Variants in NIN observed in about 807,000 individuals in gnomAD.
NIN encodes ninein.
NIN carries 137 observed loss-of-function variants against 257.6 expected under a neutral mutation model. That is an observed-to-expected ratio of 0.53 (90% CI 0.46 to 0.61). The LOEUF is 0.61. Among genes scored for constraint, NIN ranks in the 20% least tolerant of loss-of-function variants. The probability of loss-of-function intolerance (pLI) is 0.00; values close to 1 mark genes in which losing one functional copy is unlikely to be tolerated. For missense variants in NIN, 2,439 were observed against 2,501.2 expected, an observed-to-expected ratio of 0.98 and a Z score of 0.53; for synonymous variants, 918 against 919.8, an observed-to-expected ratio of 1.00 and a Z score of 0.04.
rs916052391 is a variant in NIN, at chr14:50,766,331, T to G, written c.1611A>C (p.Arg537Ser). ...CCCTGCACTGCCGCTCATATTCATT[T>G]CTCATCTGTGTCAGTCTCTCTTCTT... ...FLQEERLTQMRNEYERQCRVL... is the reference protein window; with the variant it reads ...FLQEERLTQMSNEYERQCRVL... The change falls in exon 14 of 31, where the codon AGA becomes AGC. Residue 537 changes from arginine (R) to serine (S), a missense_variant. Arg to Ser is a moderately radical substitution (Grantham distance 110). Around this residue, in one of 3 missense-constraint regions of NIN, gnomAD observed 2,043 missense variants for 2,050.2 expected, o/e 1.00. Transcript: ENST00000530997. 1 of 1,614,056 alleles carries G rather than the reference T, an allele frequency of 6.2e-7. No homozygotes were observed. The highest frequency in any genetic ancestry group is 1.3e-5 in the African/African-American group (1 of 75,020).
intron 4 of NIN, chr14:50,794,492 C>T (rs1220609277): frequency 1.1e-5 from 11 of 999,066 alleles, no homozygotes; most frequent in African/African-American, 3.5e-5. Flanking sequence ...CCCAGACACC[C>T]GAGCTACTTG....
Position 50,783,263 on chromosome 14 carries a change from C to T in NIN, c.436-4459G>A, listed in dbSNP as rs564697478. On this transcript the variant is annotated intron_variant, in intron 5 of 30. Coordinates refer to ENST00000530997, the MANE Select transcript of NIN (RefSeq NM_020921.4). ...TAGAGATGGGGTTTTGCCATGTTGCCCAGGCTGGTCTCAAATTCCTGGGCT... is the reference window on the plus strand; with the variant it reads ...TAGAGATGGGGTTTTGCCATGTTGCTCAGGCTGGTCTCAAATTCCTGGGCT... Among the ~76,000 whole-genome samples the T allele has an allele frequency of 7.8e-4, 119 of 151,816 alleles. 1 individual carries two copies. Among genetic ancestry groups the T allele is most frequent in the Non-Finnish European group, 1.5e-3 (103 of 67,910 alleles).
Position 50,776,969 on chromosome 14 carries a change from A to C in NIN, c.646T>G (p.Leu216Val). 1 of 1,613,580 alleles carries C rather than the reference A, an allele frequency of 6.2e-7. No homozygotes were observed. The highest frequency in any genetic ancestry group is 8.5e-7 in the Non-Finnish European group (1 of 1,179,734). Residue 216 changes from leucine to valine, a missense_variant, in exon 7 of 31, where the codon TTA (leucine) becomes GTA (valine). Leu to Val is a conservative substitution (Grantham distance 32, BLOSUM62 1). This residue lies in a region of NIN where 387 missense variants were observed against 427.3 expected (regional missense o/e 0.91). Transcript: ENST00000530997. ...CTTACCTCTCCATCCACATTCTGTA[A>C]ACCATACTGCTCACAGATGGAGACC... ...KLVSICEQYG[L>V]QNVDGEMLEE...
In NIN at chr14:50,752,567, T is replaced by A. The variant is rs755599819; in HGVS notation, c.4901A>T (p.Glu1634Val). The change falls in exon 21 of 31, where the codon GAA (glutamate) becomes GTA (valine). Residue 1634 changes from glutamate (E) to valine (V), a missense_variant. By Grantham distance (121) the Glu-to-Val change is moderately radical (BLOSUM62 -2). Transcript: ENST00000530997. ...EPGNSALEER[E>V]QEKFNLKEEL... ...TTCTTTCAGATTAAACTTCTCTTGT[T>A]CCCGTTCCTCCAATGCACTGTTTCC... The A allele has an allele frequency of 1.9e-6, 3 of 1,614,156 alleles. No homozygotes were observed. The highest frequency in any genetic ancestry group is 2.5e-6 in the Non-Finnish European group (3 of 1,179,992).
At position 50,822,190 on chromosome 14, in the gene NIN, G is replaced by C. The variant is rs891255621; in HGVS notation, c.-21-113C>G. The C allele has an allele frequency of 2.7e-5, 20 of 749,566 alleles. No homozygotes were observed. The Admixed American group carries it at 4.7e-4, about 18-fold the overall frequency. 46.4% of individuals were successfully genotyped at this position (749,566 alleles called of 1,614,324 possible). ...CCCCACCAGTCTCTAGGGAATGCTC[G>C]GGAACACCCAGTTTCTGATGCACCC... On this transcript the variant is annotated intron_variant, in intron 2 of 30. Transcript: ENST00000530997.
At chr14:50,792,957 C>T in intron 4 of NIN, 76 bp from the exon 5 acceptor site, 1 of 1,478,502 alleles carries the variant, frequency 6.8e-7, no homozygotes, top group Non-Finnish European at 9.4e-7. Context: ...AGCCATCGGA[C>T]ACAGCCTCTT....
Position 50,722,394 on chromosome 14 carries a change from A to C in NIN, c.*1069T>G. 1 of 213,552 alleles carries C rather than the reference A, an allele frequency of 4.7e-6. No homozygotes were observed. The highest frequency in any genetic ancestry group is 9.5e-6 in the Non-Finnish European group (1 of 105,326). The allele number at this position is 213,552 out of a possible 1,614,324, so 13.2% of individuals were successfully genotyped here. Reference sequence around the variant, plus strand: ...AAGTCAGGTTTTTAACCCTAAAATCAAGGCCTTTTTTCCCCCAGAATATTA... The same window carrying C: ...AAGTCAGGTTTTTAACCCTAAAATCCAGGCCTTTTTTCCCCCAGAATATTA... On this transcript the variant is annotated 3_prime_UTR_variant, in exon 31 of 31. Transcript: ENST00000530997.
chr14:50,761,887 G>A lies in NIN; in HGVS notation c.1799C>T (p.Pro600Leu), dbSNP rs778752328. ...EHGLGSEECN[P>L]LNMSIEAELV... is the part of the protein sequence containing the mutation. ...CTCTGCCTCAATGCTCATATTCAAT[G>A]GATTGCATTCTTCAGAACCGAGCCC... Residue 600 changes from proline to leucine, a missense_variant, in exon 16 of 31, where the codon CCA becomes CTA. Pro to Leu is a moderately conservative substitution (Grantham distance 98, BLOSUM62 -3). This residue lies in a region of NIN where 2,043 missense variants were observed against 2,050.2 expected (regional missense o/e 1.00). Coordinates refer to ENST00000530997, the MANE Select transcript of NIN (RefSeq NM_020921.4). 6.2e-7 allele frequency: 1 copy of A among 1,614,100 alleles called. No individual in the cohort carries two copies. The highest frequency in any genetic ancestry group is 8.5e-7 in the Non-Finnish European group (1 of 1,180,002).
At position 50,742,247 on chromosome 14, in the gene NIN, C is replaced by A. The variant is rs368897153; in HGVS notation, c.5302-519G>T. On this transcript the variant is annotated intron_variant, in intron 24 of 30. Transcript: ENST00000530997. ...TAGGCAAGATGGCAAGACCCCCCAT[C>A]TCTACCAAAAATAAAAAGCTGAGTG... is the stretch of plus-strand genomic sequence containing the variant. The A allele has an allele frequency of 1.1e-4, 16 of 152,344 alleles. No individual in the cohort carries two copies. The East Asian group carries it at 1.5e-3, about 15-fold the overall frequency. The allele number at this position is 152,344 out of a possible 1,614,324, so 9.4% of individuals were successfully genotyped here. A position where few individuals can be genotyped will look rare whatever the true frequency, so the allele number is the denominator to read the frequency against.
intron 15 of NIN, among the ~76,000 whole-genome samples, chr14:50,763,102 G>A (rs1358718860): frequency 6.6e-6 from 1 of 152,080 alleles, no homozygotes; most frequent in African/African-American, 2.4e-5. Context: ...AGTAAGAGGA[G>A]GAATAAACAA....
chr14:50,720,828 G>C lies in NIN; in HGVS notation c.*2635C>G, dbSNP rs2040256952. On this transcript the variant is annotated 3_prime_UTR_variant, in exon 31 of 31. Transcript: ENST00000530997. Reference sequence around the variant, plus strand: ...CTTAGTGTAACGTATTATCTCAAAGGCAAACTTGATTCCCTTTTCTTGAAA... The same window carrying C: ...CTTAGTGTAACGTATTATCTCAAAGCCAAACTTGATTCCCTTTTCTTGAAA... The C allele has an allele frequency of 5.0e-6, 1 of 200,310 alleles. No individual in the cohort carries two copies. The highest frequency in any genetic ancestry group is 1.0e-5 in the Non-Finnish European group (1 of 97,236). The allele number at this position is 200,310 out of a possible 1,614,324, so 12.4% of individuals were successfully genotyped here. A position where few individuals can be genotyped will look rare whatever the true frequency, so the allele number is the denominator to read the frequency against.
At position 50,722,939 on chromosome 14, in the gene NIN, C is replaced by A; in HGVS notation, c.*524G>T. 4.7e-6 allele frequency: 1 copy of A among 213,724 alleles called. No homozygotes were observed. Among genetic ancestry groups the A allele is most frequent in the Non-Finnish European group, 9.4e-6 (1 of 105,864 alleles). 13.2% of individuals were successfully genotyped at this position (213,724 alleles called of 1,614,324 possible). On this transcript the variant is annotated 3_prime_UTR_variant, in exon 31 of 31. Transcript: ENST00000530997. Reference sequence around the variant, plus strand: ...TTTGTCTGATGTCAGCGGTTAATAACCACTTAATAAGCCCTGCCTCCTAAC... The same window carrying A: ...TTTGTCTGATGTCAGCGGTTAATAAACACTTAATAAGCCCTGCCTCCTAAC...
intron 28 of NIN, chr14:50,730,830 T>G: frequency 1.0e-6 from 1 of 1,000,866 alleles, no homozygotes; most frequent in Admixed American, 3.0e-5. Context: ...CTTAAGTACT[T>G]ATTAACTGTT....
At chr14:50,826,350 T>C (rs182247868) in intron 2 of NIN, among the ~76,000 whole-genome samples, 1 of 152,222 alleles carries the variant, frequency 6.6e-6, no homozygotes, top group East Asian at 1.9e-4. Context: ...TATTTTGGAG[T>C]TCTAACTGGG....
rs116985321 is a variant in NIN, at chr14:50,788,803, C to T, written c.435+3909G>A. Among the ~76,000 whole-genome samples, 814 of 152,286 alleles carry T rather than the reference C, an allele frequency of 5.3e-3. 7 individuals are homozygous for T. The highest frequency in any genetic ancestry group is 0.01 in the Middle Eastern group (3 of 294). On this transcript the variant is annotated intron_variant, in intron 5 of 30. Transcript: ENST00000530997. ...ATTCCACTGCCCACTCCTCCACAATCCTCAGAAAAATAAAATTATTATTTG... is the reference window on the plus strand; with the variant it reads ...ATTCCACTGCCCACTCCTCCACAATTCTCAGAAAAATAAAATTATTATTTG...
At chr14:50,768,530 G>A (rs1473844406) in intron 12 of NIN, among the ~76,000 whole-genome samples, 1 of 152,060 alleles carries the variant, frequency 6.6e-6, no homozygotes, top group Non-Finnish European at 1.5e-5. Context: ...AATTTGGCCT[G>A]CAGTGTTGGG....
chr14:50,828,994 T>C (rs1274925881), intron 2 of NIN, among the ~76,000 whole-genome samples: 1 of 152,218 alleles, frequency 6.6e-6, no homozygotes, highest in African/African-American at 2.4e-5. Flanking sequence ...TCCTCTCTAT[T>C]GCCCCCTGTG....
rs557121347 is a variant in NIN, at chr14:50,779,714, C to T, written c.436-910G>A. Among the ~76,000 whole-genome samples the T allele has an allele frequency of 3.5e-3, 532 of 151,004 alleles. 3 individuals carry two copies. Among genetic ancestry groups the T allele is most frequent in the African/African-American group, 0.012 (494 of 41,044 alleles). On this transcript the variant is annotated intron_variant, in intron 5 of 30. Transcript: ENST00000530997. ...CGGAGCTTGCAGTAAGCCGAGATCG[C>T]GCCACTGCACTCCAGCCTGGGCAAC...
intron 5 of NIN, among the ~76,000 whole-genome samples, chr14:50,791,714 T>G (rs73297378): frequency 6.6e-6 from 1 of 152,116 alleles, no homozygotes; most frequent in East Asian, 1.9e-4. Context: ...ACTGGATGTC[T>G]GATTGCTGGG....
Sources: allele counts gnomAD v4.1 joint callset (sites outside exome capture counted in the v4.1 genomes callset), GRCh38; gene constraint gnomAD v4.1.1; regional missense constraint gnomAD v4.1.1; transcripts MANE v1.5; gene names NCBI Gene and HGNC (gene_info 2026-07-23, HGNC 2026-07-21).